Variants in DOK6 observed in about 807,000 individuals in gnomAD.
The protein encoded by DOK6 is docking protein 6.
In DOK6, 22 loss-of-function variants were observed where a neutral mutation model predicts 44.0. The observed-to-expected ratio is 0.50, with a 90% CI of 0.36 to 0.71. The LOEUF (loss-of-function observed/expected upper bound fraction) is 0.71. Among genes scored for constraint, DOK6 ranks in the 30% least tolerant of loss-of-function variants. The probability of loss-of-function intolerance (pLI) is 0.00; values close to 1 mark genes in which losing one functional copy is unlikely to be tolerated. For missense variants in DOK6, 340 were observed against 416.4 expected (o/e 0.82, Z 1.60); for synonymous variants, 166 against 145.5 (o/e 1.14, Z -1.01).
intron 2 of DOK6, among the ~76,000 whole-genome samples, chr18:69,574,021 T>G (rs1983181177): frequency 1.3e-5 from 2 of 152,010 alleles, no homozygotes; most frequent in Admixed American, 6.6e-5. Context: ...CTCTAGAAGT[T>G]GTTGCCTCTG....
chr18:69,472,860 A>G (rs938690114), intron 1 of DOK6, among the ~76,000 whole-genome samples: 2 of 152,146 alleles, frequency 1.3e-5, no homozygotes, highest in African/African-American at 4.8e-5. Context: ...CAAAAACTTT[A>G]TAAGAAACAA....
intron 3 of DOK6, among the ~76,000 whole-genome samples, chr18:69,618,976 C>T (rs1189715692): frequency 6.6e-6 from 1 of 151,750 alleles, no homozygotes; most frequent in African/African-American, 2.4e-5. Context: ...AAAAACACAC[C>T]CACACAACAC....
At chr18:69,656,909 G>A (rs1358599232) in intron 3 of DOK6, among the ~76,000 whole-genome samples, 1 of 152,064 alleles carries the variant, frequency 6.6e-6, no homozygotes, top group African/African-American at 2.4e-5. Flanking sequence ...GAAATTCCAG[G>A]GTTGGAGTCC....
intron 7 of DOK6, among the ~76,000 whole-genome samples, chr18:69,816,396 C>T (rs1196443801): frequency 6.6e-6 from 1 of 152,152 alleles, no homozygotes; most frequent in Non-Finnish European, 1.5e-5. Context: ...ACAGTCGTGA[C>T]CACACATCTC....
intron 7 of DOK6, among the ~76,000 whole-genome samples, chr18:69,821,013 A>T (rs906588773): frequency 6.6e-6 from 1 of 152,176 alleles, no homozygotes; most frequent in Admixed American, 6.6e-5. Flanking sequence ...GTTTACCTAT[A>T]TAACAAACCT....
intron 7 of DOK6, among the ~76,000 whole-genome samples, chr18:69,785,000 C>G (rs998333801): frequency 6.6e-6 from 1 of 152,190 alleles, no homozygotes; most frequent in African/African-American, 2.4e-5. Context: ...AGCATAATCT[C>G]ATGCTATATG....
rs542866880 is a variant in DOK6, at chr18:69,702,341, G to A, written c.599+3748G>A. Among the ~76,000 whole-genome samples the A allele has an allele frequency of 3.9e-5, 6 of 152,184 alleles. No homozygotes were observed. The East Asian group carries it at 1.2e-3, about 29-fold the overall frequency. The stretch of plus-strand genomic sequence containing the variant: ...GTAGGTTTTTAGACAACAAGGTCTC[G>A]TGTTTCTCTTTCAAATGGTCCTAAA... On this transcript the variant is annotated intron_variant, in intron 5 of 7. Coordinates refer to ENST00000382713, the MANE Select transcript of DOK6 (RefSeq NM_152721.6).
chr18:69,426,543 A>C (rs1017501966), intron 1 of DOK6, among the ~76,000 whole-genome samples: 2 of 152,154 alleles, frequency 1.3e-5, no homozygotes, highest in African/African-American at 4.8e-5. Context: ...TAAACGACTA[A>C]ACTTTGGGCC....
chr18:69,821,258 C>T (rs760088423), intron 7 of DOK6, among the ~76,000 whole-genome samples: 3 of 152,146 alleles, frequency 2.0e-5, no homozygotes, highest in African/African-American at 7.2e-5. Context: ...CTGCATCACA[C>T]TTCCTATGTG....
intron 7 of DOK6, among the ~76,000 whole-genome samples, chr18:69,807,671 A>G (rs1436040056): frequency 1.3e-5 from 2 of 151,942 alleles, no homozygotes; most frequent in Non-Finnish European, 2.9e-5. Context: ...AATAGACTTT[A>G]AGTCAAAAAC....
chr18:69,675,275 A>G (rs939355785), intron 3 of DOK6, among the ~76,000 whole-genome samples: 1 of 152,184 alleles, frequency 6.6e-6, no homozygotes, highest in African/African-American at 2.4e-5. Flanking sequence ...AAGACTTAAC[A>G]CAAAGAAGGA....
chr18:69,777,900 A>G (rs1231155538), intron 7 of DOK6: 1 of 152,208 alleles, frequency 6.6e-6, no homozygotes, highest in Admixed American at 6.5e-5. Flanking sequence ...AAATCATGAA[A>G]ATCGGCACTC....
intron 1 of DOK6, among the ~76,000 whole-genome samples, chr18:69,546,474 A>T (rs1982407439): frequency 6.6e-6 from 1 of 151,590 alleles, no homozygotes; most frequent in Non-Finnish European, 1.5e-5. Context: ...CTAACTTTTT[A>T]AAACACTTAA....
chr18:69,536,851 A>G lies in DOK6; in HGVS notation c.67-27636A>G, dbSNP rs190009733. 5.8e-3 allele frequency among the ~76,000 whole-genome samples: 879 copies of G among 152,106 alleles called. 11 individuals are homozygous for G. Among genetic ancestry groups the G allele is most frequent in the African/African-American group, 0.02 (817 of 41,534 alleles). ...GTCTAAGTTGTTTGGTAAACTGGCC[A>G]ATATCATGTAGCTGGTTAGTGACTG... On this transcript the variant is annotated intron_variant, in intron 1 of 7. Transcript: ENST00000382713.
chr18:69,440,537 G>A (rs62096604), intron 1 of DOK6, among the ~76,000 whole-genome samples: 20,208 of 152,064 alleles, frequency 0.13, 1,682 homozygotes, highest in South Asian at 0.28. Flanking sequence ...CTGTTTTACC[G>A]TATATTTGGG....
chr18:69,571,292 A>C (rs1284940513), intron 2 of DOK6, among the ~76,000 whole-genome samples: 1 of 152,022 alleles, frequency 6.6e-6, no homozygotes, highest in Admixed American at 6.6e-5. Context: ...AATATTCAAA[A>C]ATTCCAGAAG....
chr18:69,549,572 T>A (rs1982506853), intron 1 of DOK6, among the ~76,000 whole-genome samples: 1 of 151,698 alleles, frequency 6.6e-6, no homozygotes, highest in Non-Finnish European at 1.5e-5. Context: ...TTTAAAAAAA[T>A]TGAATGGCTT....
At chr18:69,528,470 C>T (rs903880280) in intron 1 of DOK6, among the ~76,000 whole-genome samples, 4 of 152,114 alleles carry the variant, frequency 2.6e-5, no homozygotes, top group African/African-American at 9.7e-5. Context: ...TGAATTAGTG[C>T]AGGGAGAACT....
intron 3 of DOK6, among the ~76,000 whole-genome samples, chr18:69,623,762 T>G (rs1490547769): frequency 6.6e-6 from 1 of 152,230 alleles, no homozygotes; most frequent in Non-Finnish European, 1.5e-5. Flanking sequence ...TCTTATAATG[T>G]CATTATTTTC....
Sources: gnomAD v4.1 joint callset for allele counts (sites outside exome capture counted in the v4.1 genomes callset) on GRCh38, gnomAD v4.1.1 for gene constraint, MANE v1.5 for transcripts, NCBI Gene and HGNC (gene_info 2026-07-23, HGNC 2026-07-21) for gene names.